LOXHD1: variants seen among roughly 807,000 people sequenced by gnomAD.
LOXHD1 encodes lipoxygenase homology PLAT domains 1.
LOXHD1 carries 205 observed loss-of-function variants against 248.2 expected under a neutral mutation model. The observed-to-expected ratio is 0.83, with a 90% CI of 0.74 to 0.93. The LOEUF is 0.93. Ranked by LOEUF, LOXHD1 falls within the 40% of genes least tolerant of loss-of-function variation. The pLI, the probability that LOXHD1 is intolerant of heterozygous loss-of-function variation, is 0.00. For missense variants in LOXHD1, 2,930 were observed against 2,971.6 expected, an observed-to-expected ratio of 0.99 and a Z score of 0.33; for synonymous variants, 1,113 against 1,162.8, an observed-to-expected ratio of 0.96 and a Z score of 0.87.
intron 2 of LOXHD1, among the ~76,000 whole-genome samples, chr18:46,648,472 A>T (rs560673546): frequency 1.3e-3 from 192 of 152,290 alleles, no homozygotes; most frequent in African/African-American, 4.5e-3. Context: ...CATTCAGCAC[A>T]GTTTGAAAAC....
chr18:46,656,995 G>A lies in LOXHD1; in HGVS notation c.39C>T (p.Ile13=). Residue 13 remains isoleucine (I), a synonymous_variant, in exon 1 of 41, where the codon ATC becomes ATT. Transcript: ENST00000642948. ...PQKKRRRKKD[I]DFLALYEAEL... Reference sequence around the variant, plus strand: ...CCGCTTCGTACAGGGCCAGGAAGTCGATGTCCTTCTTCCTCCGCCTTTTCT... The same window carrying A: ...CCGCTTCGTACAGGGCCAGGAAGTCAATGTCCTTCTTCCTCCGCCTTTTCT... 2 of 1,551,610 alleles carry A rather than the reference G, an allele frequency of 1.3e-6. No individual in the cohort carries two copies. The highest frequency in any genetic ancestry group is 1.2e-5 in the South Asian group (1 of 84,058).
chr18:46,508,469 G>T (rs1293797303), intron 35 of LOXHD1, among the ~76,000 whole-genome samples: 1 of 152,150 alleles, frequency 6.6e-6, no homozygotes, highest in East Asian at 1.9e-4. Context: ...ACTGCCAGAA[G>T]CCAGAAGAGT....
chr18:46,625,224 G>A lies in LOXHD1; in HGVS notation c.512-6934C>T, dbSNP rs2038724249. On this transcript the variant is annotated intron_variant, in intron 4 of 40. Coordinates refer to ENST00000642948, the MANE Select transcript of LOXHD1 (RefSeq NM_001384474.1). ...AGTTCCCACCTGCCAAACCCACACG[G>A]CCCCATTCCACAGCTCCCGGTGTGT... is the stretch of plus-strand genomic sequence containing the variant. 2.0e-5 allele frequency among the ~76,000 whole-genome samples: 3 copies of A among 152,130 alleles called. No homozygotes were observed. The South Asian group carries it at 6.2e-4, about 32-fold the overall frequency.
rs200328459 is a variant in LOXHD1 at position 46,610,914 on chromosome 18, C to G, written c.621G>C (p.Arg207Ser). ...FGEYGDTGER[R>S]LENEKDNFEK... ...CAAAGTTGTCCTTTTCATTTTCTAG[C>G]CTACGCTCCCCTGTATGCACAGACA... Residue 207 changes from arginine (R) to serine (S), a missense_variant, in exon 6 of 41, where the codon AGG (arginine) becomes AGC (serine). Coordinates refer to ENST00000642948, the MANE Select transcript of LOXHD1 (RefSeq NM_001384474.1). The G allele has an allele frequency of 6.4e-7, 1 of 1,551,834 alleles. No homozygotes were observed. The highest frequency in any genetic ancestry group is 8.7e-7 in the Non-Finnish European group (1 of 1,146,992).
chr18:46,490,803 C>T (rs4890661), intron 37 of LOXHD1, among the ~76,000 whole-genome samples: 21,401 of 152,258 alleles, frequency 0.14, 2,747 homozygotes, highest in East Asian at 0.73. Context: ...AAATTTGTTT[C>T]TTAACTCAAT....
At chr18:46,478,212 A>G (rs543788014) in intron 40 of LOXHD1, among the ~76,000 whole-genome samples, 5 of 152,190 alleles carry the variant, frequency 3.3e-5, no homozygotes, top group Admixed American at 6.5e-5. Flanking sequence ...TGTCCAATCC[A>G]TAAGCAAATC....
chr18:46,642,061 G>A, intron 2 of LOXHD1, 25 bp from the exon 3 acceptor site: 1 of 1,548,626 alleles, frequency 6.5e-7, no homozygotes, highest in Non-Finnish European at 8.7e-7. Context: ...TGCAGTTAGT[G>A]CAGATCAGCT....
intron 38 of LOXHD1, among the ~76,000 whole-genome samples, chr18:46,486,342 T>C (rs2033050677): frequency 6.6e-6 from 1 of 152,192 alleles, no homozygotes; most frequent in Admixed American, 6.5e-5. Context: ...CGGCCATACC[T>C]GTGGCTCAAT....
Position 46,518,241 on chromosome 18 carries a change from T to G in LOXHD1, c.5287A>C (p.Thr1763Pro), listed in dbSNP as rs2035371012. Residue 1763 changes from threonine (T) to proline (P), a missense_variant, in exon 34 of 41, where the codon ACG becomes CCG. Coordinates refer to ENST00000642948, the MANE Select transcript of LOXHD1 (RefSeq NM_001384474.1). The stretch of plus-strand genomic sequence containing the variant: ...CCAACCACATCCCCTGTCCACACCG[T>G]CATTTCATAGAGAACCTGCCATGAG... ...NIGVKVLYEMTVWTGDVVGGG... is the reference protein window; with the variant it reads ...NIGVKVLYEMPVWTGDVVGGG... 1 of 1,551,480 alleles carries G rather than the reference T, an allele frequency of 6.4e-7. No homozygotes were observed.
intron 8 of LOXHD1, among the ~76,000 whole-genome samples, chr18:46,596,620 C>T (rs930841620): frequency 6.6e-6 from 1 of 152,170 alleles, no homozygotes; most frequent in South Asian, 2.1e-4. Flanking sequence ...TTTGTCTTTG[C>T]TCCAGACAGA....
At position 46,566,420 on chromosome 18, in the gene LOXHD1, G is replaced by T; in HGVS notation, c.2274C>A (p.Ser758Arg). The T allele has an allele frequency of 6.4e-7, 1 of 1,550,802 alleles. No individual in the cohort carries two copies. ...NINRLVIGHD[S>R]TGMHASWFLG... ...GGAACCAGCTGGCATGCATGCCAGT[G>T]CTGTCATGCCCAATCACCAGCCGGT... is the stretch of plus-strand genomic sequence containing the variant. The change falls in exon 17 of 41, where the codon AGC (serine) becomes AGA (arginine). Residue 758 changes from serine (S) to arginine (R), a missense_variant. By Grantham distance (110) the Ser-to-Arg change is moderately radical. Coordinates refer to ENST00000642948, the MANE Select transcript of LOXHD1 (RefSeq NM_001384474.1).
Position 46,608,049 on chromosome 18 carries a change from G to GAAGGAAAC in LOXHD1, c.759+2726_759+2727insGTTTCCTT, listed in dbSNP as rs1231370021. ...GGAAGGAAGGAGGGAAGGAAGGAAG[G>GAAGGAAAC]AAGGAAGGAAGGAAGGAAGGAAAGA... On this transcript the variant is annotated intron_variant, in intron 6 of 40. Transcript: ENST00000642948. Among the ~76,000 whole-genome samples the GAAGGAAAC allele has an allele frequency of 5.4e-5, 8 of 147,514 alleles. No individual in the cohort carries two copies. In the East Asian group the frequency reaches 6.1e-4, roughly 11 times the overall value.
At position 46,513,767 on chromosome 18, in the gene LOXHD1, T is replaced by C. The variant is rs537779502; in HGVS notation, c.5400-3952A>G. Reference sequence around the variant, plus strand: ...AAAATTCTGTTGTTTTAATTACCACTATGTTTATGGTAATTTTGTATCACC... The same window carrying C: ...AAAATTCTGTTGTTTTAATTACCACCATGTTTATGGTAATTTTGTATCACC... On this transcript the variant is annotated intron_variant, in intron 34 of 40. Transcript: ENST00000642948. Among the ~76,000 whole-genome samples, 56 of 152,368 alleles carry C rather than the reference T, an allele frequency of 3.7e-4. 1 individual carries two copies. The South Asian group carries it at 0.012, about 32-fold the overall frequency.
chr18:46,543,582 G>A (rs2036662741), intron 23 of LOXHD1, among the ~76,000 whole-genome samples: 1 of 151,792 alleles, frequency 6.6e-6, no homozygotes, highest in Admixed American at 6.6e-5. Context: ...CCCACCCCCT[G>A]ACAGGCCTCG....
intron 5 of LOXHD1, among the ~76,000 whole-genome samples, chr18:46,613,837 C>A (rs1568217157): frequency 6.6e-6 from 1 of 152,110 alleles, no homozygotes; most frequent in African/African-American, 2.4e-5. Context: ...TACAAATAGA[C>A]TAATGTTAAA....
chr18:46,636,630 C>T (rs1239021094), intron 4 of LOXHD1, among the ~76,000 whole-genome samples: 1 of 152,158 alleles, frequency 6.6e-6, no homozygotes. Flanking sequence ...AACAGTCTGT[C>T]CCACTTTGGG....
chr18:46,540,025 T>C (rs1331800520), intron 25 of LOXHD1, among the ~76,000 whole-genome samples: 1 of 152,226 alleles, frequency 6.6e-6, no homozygotes, highest in Admixed American at 6.5e-5. Context: ...TAGTTATCAC[T>C]TATTAAGACT....
intron 21 of LOXHD1, among the ~76,000 whole-genome samples, chr18:46,549,074 A>G (rs1598976414): frequency 6.6e-6 from 1 of 152,302 alleles, no homozygotes; most frequent in Non-Finnish European, 1.5e-5. Context: ...GATTTAGGAC[A>G]CCAGGCCTAC....
chr18:46,558,394 A>G (rs951285119), intron 20 of LOXHD1, among the ~76,000 whole-genome samples: 3 of 152,242 alleles, frequency 2.0e-5, no homozygotes, highest in African/African-American at 7.2e-5. Context: ...ACATAATGCT[A>G]TTATATAATA....
Sources: gnomAD v4.1 joint callset for allele counts (sites outside exome capture counted in the v4.1 genomes callset) on GRCh38, gnomAD v4.1.1 for gene constraint, MANE v1.5 for transcripts, NCBI Gene and HGNC (gene_info 2026-07-23, HGNC 2026-07-21) for gene names.